DOK6: variants seen among roughly 807,000 people sequenced by gnomAD.
DOK6 encodes downstream of tyrosine kinase 6.
DOK6 carries 22 observed loss-of-function variants against 44.0 expected under a neutral mutation model. The observed-to-expected ratio is 0.50, with a 90% CI of 0.36 to 0.71. DOK6 has a LOEUF of 0.71. DOK6 is among the 30% of genes least tolerant of loss of function. The probability of loss-of-function intolerance (pLI) is 0.00; values close to 1 mark genes in which losing one functional copy is unlikely to be tolerated. For missense variants in DOK6, 340 were observed against 416.4 expected (o/e 0.82, Z 1.60); for synonymous variants, 166 against 145.5 (o/e 1.14, Z -1.01).
In DOK6 at chr18:69,563,361, T is replaced by A. The variant is rs1982886860; in HGVS notation, c.67-1126T>A. ...AAAGACACATGCACACGTATGTTTA[T>A]TGCAGCACTATTCACAATAGCAAAG... On this transcript the variant is annotated intron_variant, in intron 1 of 7. Coordinates refer to ENST00000382713, the MANE Select transcript of DOK6 (RefSeq NM_152721.6). Among the ~76,000 whole-genome samples the A allele has an allele frequency of 2.0e-5, 3 of 152,274 alleles. No homozygotes were observed. The South Asian group carries it at 6.2e-4, about 32-fold the overall frequency.
At chr18:69,441,355 A>G (rs775519450) in intron 1 of DOK6, among the ~76,000 whole-genome samples, 1 of 152,118 alleles carries the variant, frequency 6.6e-6, no homozygotes, top group Admixed American at 6.6e-5. Flanking sequence ...TTAGCTAGGC[A>G]TTTTCCTTTG....
Position 69,541,242 on chromosome 18 carries a change from TTGCAGACTAC to T in DOK6, c.67-23242_67-23233del, listed in dbSNP as rs557307991. Among the ~76,000 whole-genome samples the T allele has an allele frequency of 2.5e-4, 38 of 151,568 alleles. 1 individual carries two copies. Among genetic ancestry groups the T allele is most frequent in the Admixed American group, 2.2e-3 (34 of 15,202 alleles). ...AGAATTGTAAGTTAAGCCACTAAAA[TTGCAGACTAC>T]TGTAATTTGCTCTCATGCTCTGGAA... is the stretch of plus-strand genomic sequence containing the variant. On this transcript the variant is annotated intron_variant, in intron 1 of 7. Coordinates refer to ENST00000382713, the MANE Select transcript of DOK6 (RefSeq NM_152721.6).
At chr18:69,775,772 C>T (rs1980044699) in intron 7 of DOK6, among the ~76,000 whole-genome samples, 1 of 151,720 alleles carries the variant, frequency 6.6e-6, no homozygotes. Context: ...TTTAAAAGCC[C>T]AACTTTGTGC....
intron 2 of DOK6, among the ~76,000 whole-genome samples, chr18:69,592,093 T>C (rs1599210148): frequency 6.6e-6 from 1 of 152,186 alleles, no homozygotes. Flanking sequence ...AATTCATTTA[T>C]TATTTTTTAA....
At chr18:69,689,585 A>G (rs917955606) in intron 4 of DOK6, among the ~76,000 whole-genome samples, 5 of 152,188 alleles carry the variant, frequency 3.3e-5, no homozygotes, top group Non-Finnish European at 5.9e-5. Context: ...TCTGGAAAGC[A>G]ATTTGGCAAT....
intron 3 of DOK6, among the ~76,000 whole-genome samples, chr18:69,655,282 GA>G (rs1246396854): frequency 6.6e-6 from 1 of 151,592 alleles, no homozygotes; most frequent in Non-Finnish European, 1.5e-5. Context: ...ATAAATATAA[GA>G]AAAAATAGAC....
intron 1 of DOK6, among the ~76,000 whole-genome samples, chr18:69,558,650 TGAAGGACATTGTACAATATAC>T (rs1426263694): frequency 6.6e-6 from 1 of 152,086 alleles, no homozygotes; most frequent in African/African-American, 2.4e-5. Flanking sequence ...CAAACAGAAA[TGAAGGACATTGTACAATATAC>T]CTAACCATTA....
At chr18:69,539,060 T>C (rs1982198134) in intron 1 of DOK6, among the ~76,000 whole-genome samples, 1 of 152,194 alleles carries the variant, frequency 6.6e-6, no homozygotes, top group Admixed American at 6.5e-5. Context: ...TCAGCTGTTA[T>C]TATAATAGAA....
chr18:69,641,643 A>G (rs1484442005), intron 3 of DOK6, among the ~76,000 whole-genome samples: 1 of 152,240 alleles, frequency 6.6e-6, no homozygotes, highest in Admixed American at 6.5e-5. Flanking sequence ...TACTAATTGC[A>G]TTGCTTGAGA....
At chr18:69,412,692 C>T (rs1170858613) in intron 1 of DOK6, among the ~76,000 whole-genome samples, 12 of 152,150 alleles carry the variant, frequency 7.9e-5, no homozygotes, top group African/African-American at 2.4e-4. Context: ...ATATCGGCTA[C>T]TTGTCATTTC....
chr18:69,502,053 A>G (rs568285856), intron 1 of DOK6, among the ~76,000 whole-genome samples: 1 of 152,220 alleles, frequency 6.6e-6, no homozygotes, highest in South Asian at 2.1e-4. Flanking sequence ...TATTTAATAC[A>G]TAGAATAGTT....
chr18:69,611,495 T>TACACACACACACACAC (rs58620722), intron 3 of DOK6, among the ~76,000 whole-genome samples: 21 of 150,920 alleles, frequency 1.4e-4, no homozygotes, highest in African/African-American at 2.2e-4. Context: ...CAAGTACACG[T>TACACACACACACACAC]ACACACACAC....
intron 1 of DOK6, among the ~76,000 whole-genome samples, chr18:69,408,208 A>G (rs904384183): frequency 6.6e-6 from 1 of 152,218 alleles, no homozygotes; most frequent in African/African-American, 2.4e-5. Context: ...CAACACAGTC[A>G]TGTGTACCCT....
intron 3 of DOK6, among the ~76,000 whole-genome samples, chr18:69,667,676 C>T (rs1188796755): frequency 6.6e-6 from 1 of 152,180 alleles, no homozygotes; most frequent in Admixed American, 6.5e-5. Flanking sequence ...CAGCATATTG[C>T]ACATTTTTCT....
At chr18:69,465,498 T>C (rs1273104778) in intron 1 of DOK6, among the ~76,000 whole-genome samples, 1 of 149,862 alleles carries the variant, frequency 6.7e-6, no homozygotes, top group Non-Finnish European at 1.5e-5. Context: ...GATGTTCCCC[T>C]TCCTGTGTCC....
At chr18:69,514,370 A>G (rs1981457302) in intron 1 of DOK6, among the ~76,000 whole-genome samples, 1 of 152,192 alleles carries the variant, frequency 6.6e-6, no homozygotes, top group African/African-American at 2.4e-5. Context: ...CTGACGTACT[A>G]TATCGATTTT....
chr18:69,656,097 C>T (rs1985361802), intron 3 of DOK6, among the ~76,000 whole-genome samples: 1 of 151,850 alleles, frequency 6.6e-6, no homozygotes, highest in South Asian at 2.1e-4. Flanking sequence ...GTCTTAAAAG[C>T]AACCCCAGAG....
At chr18:69,793,654 T>C (rs1980662154) in intron 7 of DOK6, among the ~76,000 whole-genome samples, 1 of 152,152 alleles carries the variant, frequency 6.6e-6, no homozygotes, top group South Asian at 2.1e-4. Flanking sequence ...TTAGGAAACA[T>C]TGAATTAAAT....
intron 4 of DOK6, among the ~76,000 whole-genome samples, chr18:69,679,908 T>C (rs1445474425): frequency 6.6e-6 from 1 of 151,918 alleles, no homozygotes; most frequent in Non-Finnish European, 1.5e-5. Flanking sequence ...GTGCCAAAGC[T>C]ACATAAAAAG....
Sources: allele counts gnomAD v4.1 joint callset (sites outside exome capture counted in the v4.1 genomes callset), GRCh38; gene constraint gnomAD v4.1.1; transcripts MANE v1.5; gene names NCBI Gene and HGNC (gene_info 2026-07-23, HGNC 2026-07-21).